GALNTL6: variants seen among roughly 807,000 people sequenced by gnomAD.
GALNTL6 encodes polypeptide N-acetylgalactosaminyltransferase-like 6.
GALNTL6 carries 46 observed loss-of-function variants against 73.7 expected under a neutral mutation model. The ratio of observed to expected loss-of-function variants is 0.62; its 90% CI spans 0.49 to 0.80. The LOEUF is 0.80. Among genes scored for constraint, GALNTL6 ranks in the 30% least tolerant of loss-of-function variants. GALNTL6 has a pLI of 0.00. For missense variants in GALNTL6, 604 were observed against 755.0 expected, an observed-to-expected ratio of 0.80 and a Z score of 2.34; for synonymous variants, 259 against 263.7, an observed-to-expected ratio of 0.98 and a Z score of 0.17.
chr4:172,583,249 A>G (rs745319989), intron 5 of GALNTL6, among the ~76,000 whole-genome samples: 1 of 152,190 alleles, frequency 6.6e-6, no homozygotes, highest in Non-Finnish European at 1.5e-5. Context: ...TTAAAGTGGA[A>G]CCAAAATTAA....
chr4:172,263,628 T>C (rs1488197536), intron 3 of GALNTL6, among the ~76,000 whole-genome samples: 1 of 151,618 alleles, frequency 6.6e-6, no homozygotes, highest in Non-Finnish European at 1.5e-5. Context: ...GAATTTCTAA[T>C]TCTAGAAGTT....
intron 5 of GALNTL6, among the ~76,000 whole-genome samples, chr4:172,579,811 AG>A (rs1737102964): frequency 1.5e-5 from 2 of 131,756 alleles, no homozygotes; most frequent in Non-Finnish European, 3.2e-5. Flanking sequence ...GGAAGGAAGG[AG>A]GGAAGGAAGG....
chr4:172,012,361 T>C (rs561051385), intron 2 of GALNTL6, among the ~76,000 whole-genome samples: 1 of 152,158 alleles, frequency 6.6e-6, no homozygotes, highest in African/African-American at 2.4e-5. Context: ...GTCTACTCTC[T>C]AGGCCACTGT....
chr4:172,528,831 A>G (rs1735058811), intron 5 of GALNTL6, among the ~76,000 whole-genome samples: 1 of 150,002 alleles, frequency 6.7e-6, no homozygotes, highest in Non-Finnish European at 1.5e-5. Context: ...TGTTCAATGT[A>G]CTATGCCAGG....
intron 5 of GALNTL6, among the ~76,000 whole-genome samples, chr4:172,650,784 G>C (rs577896450): frequency 1.3e-5 from 2 of 152,078 alleles, no homozygotes; most frequent in Non-Finnish European, 2.9e-5. Flanking sequence ...AAAATAATGA[G>C]AACTGATCAT....
At chr4:172,951,332 C>T (rs1749433112) in intron 9 of GALNTL6, among the ~76,000 whole-genome samples, 1 of 152,226 alleles carries the variant, frequency 6.6e-6, no homozygotes, top group African/African-American at 2.4e-5. Context: ...GACAAAAGGG[C>T]TGAGCTTCCT....
chr4:172,092,290 A>G (rs544705433), intron 2 of GALNTL6, among the ~76,000 whole-genome samples: 2 of 152,286 alleles, frequency 1.3e-5, no homozygotes, highest in African/African-American at 4.8e-5. Context: ...AACATATACC[A>G]AGGCATATCA....
intron 5 of GALNTL6, among the ~76,000 whole-genome samples, chr4:172,739,356 A>G (rs552338976): frequency 6.6e-6 from 1 of 152,190 alleles, no homozygotes; most frequent in South Asian, 2.1e-4. Context: ...ACTTCTTGTC[A>G]TAAGGACAGG....
chr4:172,091,515 G>A (rs981879019), intron 2 of GALNTL6, among the ~76,000 whole-genome samples: 1 of 152,110 alleles, frequency 6.6e-6, no homozygotes, highest in African/African-American at 2.4e-5. Flanking sequence ...TATCAGACCA[G>A]TTTTTCCCAA....
intron 3 of GALNTL6, among the ~76,000 whole-genome samples, chr4:172,310,082 A>G (rs1202597789): frequency 6.6e-6 from 1 of 152,142 alleles, no homozygotes; most frequent in Non-Finnish European, 1.5e-5. Context: ...TAAACATGTT[A>G]TCAGTTGGAA....
intron 4 of GALNTL6, among the ~76,000 whole-genome samples, chr4:172,317,208 T>A (rs1474812012): frequency 6.6e-6 from 1 of 152,238 alleles, no homozygotes; most frequent in Admixed American, 6.5e-5. Context: ...TTCAGTGCCT[T>A]ATATTCTAAA....
chr4:172,055,294 A>G (rs1730989214), intron 2 of GALNTL6, among the ~76,000 whole-genome samples: 1 of 152,186 alleles, frequency 6.6e-6, no homozygotes, highest in African/African-American at 2.4e-5. Context: ...ATTTTAAGGT[A>G]GAGTGGGCAT....
At chr4:172,206,084 G>A (rs543194863) in intron 2 of GALNTL6, among the ~76,000 whole-genome samples, 1 of 152,214 alleles carries the variant, frequency 6.6e-6, no homozygotes, top group East Asian at 1.9e-4. Context: ...ATGTATGTAT[G>A]TGTATCTGGA....
intron 2 of GALNTL6, among the ~76,000 whole-genome samples, chr4:172,066,379 T>G (rs1394124849): frequency 6.6e-6 from 1 of 152,180 alleles, no homozygotes; most frequent in African/African-American, 2.4e-5. Context: ...CTTCTTTCTC[T>G]TAGCAATATG....
chr4:172,882,560 C>G (rs1355310290), intron 7 of GALNTL6, among the ~76,000 whole-genome samples: 1 of 152,140 alleles, frequency 6.6e-6, no homozygotes. Context: ...TGCATTAAAA[C>G]CTGAACTGCA....
chr4:171,887,350 T>G (rs1345373555), intron 2 of GALNTL6, among the ~76,000 whole-genome samples: 1 of 152,196 alleles, frequency 6.6e-6, no homozygotes, highest in African/African-American at 2.4e-5. Flanking sequence ...AGATTGATGC[T>G]ATAGGTAATG....
chr4:172,698,320 T>G (rs1320816648), intron 5 of GALNTL6, among the ~76,000 whole-genome samples: 1 of 152,154 alleles, frequency 6.6e-6, no homozygotes, highest in Non-Finnish European at 1.5e-5. Context: ...AGCTAGAGAC[T>G]TACTGCTTAC....
intron 5 of GALNTL6, among the ~76,000 whole-genome samples, chr4:172,539,395 T>C (rs1331472200): frequency 6.6e-6 from 1 of 152,248 alleles, no homozygotes. Context: ...GAATTTTTTA[T>C]GTTTCAACTT....
intron 5 of GALNTL6, among the ~76,000 whole-genome samples, chr4:172,803,306 A>G (rs970084007): frequency 6.6e-6 from 1 of 152,238 alleles, no homozygotes; most frequent in Non-Finnish European, 1.5e-5. Context: ...GCCTCCTGTC[A>G]GATCAGCAGT....
Sources: allele counts gnomAD v4.1 joint callset (sites outside exome capture counted in the v4.1 genomes callset), GRCh38; gene constraint gnomAD v4.1.1; transcripts MANE v1.5; gene names NCBI Gene and HGNC (gene_info 2026-07-23, HGNC 2026-07-21).